Variants in DNAH9 observed in about 807,000 individuals in gnomAD.
DNAH9 encodes the protein DNAH9 variant protein.
DNAH9 carries 345 observed loss-of-function variants against 471.6 expected under a neutral mutation model. The ratio of observed to expected loss-of-function variants is 0.73; its 90% confidence interval spans 0.67 to 0.80. DNAH9 has a LOEUF of 0.80. Ranked by LOEUF, DNAH9 falls within the 30% of genes least tolerant of loss-of-function variation. DNAH9 has a pLI of 0.00. For missense variants in DNAH9, 5,407 were observed against 5,609.2 expected (o/e 0.96, Z 1.15); for synonymous variants, 2,093 against 2,123.6 (o/e 0.99, Z 0.40).
chr17:11,769,373 C>T (rs202231581), intron 38 of DNAH9, 44 bp downstream of exon 38: 22 of 1,535,728 alleles, frequency 1.4e-5, no homozygotes, highest in African/African-American at 4.1e-5. Flanking sequence ...TCTGGGTGGC[C>T]GTGTCACCTG....
intron 15 of DNAH9, among the ~76,000 whole-genome samples, chr17:11,668,732 C>T (rs1400792967): frequency 6.7e-6 from 1 of 149,996 alleles, no homozygotes; most frequent in African/African-American, 2.5e-5. Context: ...CCCCAGGAGG[C>T]ATTTGAGAAT....
At chr17:11,875,245 A>G (rs1972430905) in intron 53 of DNAH9, 61 bp downstream of exon 53, 4 of 1,377,698 alleles carry the variant, frequency 2.9e-6, no homozygotes, top group Non-Finnish European at 2.9e-6. Context: ...TGTATAGATC[A>G]TGAGCAGATT....
At chr17:11,947,935 T>C (rs867877642) in intron 67 of DNAH9, among the ~76,000 whole-genome samples, 2 of 151,860 alleles carry the variant, frequency 1.3e-5, no homozygotes, top group South Asian at 2.1e-4. Flanking sequence ...CAGCTAATTC[T>C]TGTGTTTCTT....
chr17:11,743,113 A>G (rs1323949613), intron 30 of DNAH9, among the ~76,000 whole-genome samples: 1 of 152,114 alleles, frequency 6.6e-6, no homozygotes, highest in Non-Finnish European at 1.5e-5. Context: ...CCAGCTCAGC[A>G]TGTCTAAAGC....
At chr17:11,891,214 TTGCAAGGACTCGTCTTATCAC>T (rs1973039496) in intron 57 of DNAH9, among the ~76,000 whole-genome samples, 1 of 152,194 alleles carries the variant, frequency 6.6e-6, no homozygotes, top group Non-Finnish European at 1.5e-5. Flanking sequence ...AGGAGGCTGC[TTGCAAGGACTCGTCTTATCAC>T]TGCAGAGGTA....
At chr17:11,724,038 G>T (rs1209442102) in intron 27 of DNAH9, among the ~76,000 whole-genome samples, 1 of 151,790 alleles carries the variant, frequency 6.6e-6, no homozygotes, top group African/African-American at 2.4e-5. Context: ...TATTAATGGG[G>T]TACATGTTAT....
Position 11,670,448 on chromosome 17 carries a change from T to C in DNAH9, c.3353+654T>C, listed in dbSNP as rs113058296. On this transcript the variant is annotated intron_variant, in intron 17 of 68. Coordinates refer to ENST00000262442, the MANE Select transcript of DNAH9 (RefSeq NM_001372.4). ...TCTCGACCCCCTTCTCAGAATCCCATTGGGGACCACCAGTCCCTCTGCACA... is the reference window on the plus strand; with the variant it reads ...TCTCGACCCCCTTCTCAGAATCCCACTGGGGACCACCAGTCCCTCTGCACA... Among the ~76,000 whole-genome samples the C allele has an allele frequency of 5.4e-3, 827 of 152,184 alleles. 3 individuals are homozygous for C. Among genetic ancestry groups the C allele is most frequent in the Non-Finnish European group, 8.1e-3 (548 of 67,996 alleles).
At chr17:11,814,094 A>G (rs1476235305) in intron 45 of DNAH9, among the ~76,000 whole-genome samples, 1 of 152,152 alleles carries the variant, frequency 6.6e-6, no homozygotes, top group African/African-American at 2.4e-5. Flanking sequence ...CTATGTTCTT[A>G]TTGACCTGCT....
intron 19 of DNAH9, among the ~76,000 whole-genome samples, chr17:11,686,082 G>A (rs899851849): frequency 1.3e-5 from 2 of 152,092 alleles, no homozygotes; most frequent in Admixed American, 6.6e-5. Context: ...GGGATTACAG[G>A]CATGAGACAC....
chr17:11,675,224 A>G (rs1450185845), intron 17 of DNAH9, among the ~76,000 whole-genome samples: 2 of 152,090 alleles, frequency 1.3e-5, no homozygotes, highest in Non-Finnish European at 2.9e-5. Context: ...AGTTCGTAGT[A>G]TAAATAATAT....
rs56689551 is a variant in DNAH9, at chr17:11,828,473, CAAAAA to C, written c.9246+5449_9246+5453del. On this transcript the variant is annotated intron_variant, in intron 48 of 68. Transcript: ENST00000262442. ...GGGCAACAAGAGTGAAACTCCGTCTCAAAAAAAAAAAAAATAGTGCCCGAACAGAG... is the reference window on the plus strand; with the variant it reads ...GGGCAACAAGAGTGAAACTCCGTCTCAAAAAAAAATAGTGCCCGAACAGAG... 1.6e-5 allele frequency among the ~76,000 whole-genome samples: 2 copies of C among 125,886 alleles called. 1 individual carries two copies. Among genetic ancestry groups the C allele is most frequent in the Non-Finnish European group, 3.3e-5 (2 of 61,236 alleles). 82.6% of individuals were successfully genotyped at this position (125,886 alleles called of 152,430 possible). A position where few individuals can be genotyped will look rare whatever the true frequency, so the allele number is the denominator to read the frequency against.
Position 11,652,842 on chromosome 17 carries a change from A to G in DNAH9, c.2435A>G (p.Glu812Gly), listed in dbSNP as rs1370958241. 5.6e-6 allele frequency: 9 copies of G among 1,613,906 alleles called. No homozygotes were observed. The highest frequency in any genetic ancestry group is 7.6e-6 in the Non-Finnish European group (9 of 1,179,878). The change falls in exon 14 of 69, where the codon GAA becomes GGA. Residue 812 changes from glutamate (E) to glycine (G), a missense_variant. Glu to Gly is a moderately conservative substitution (Grantham distance 98, BLOSUM62 -2). This residue lies in a region of DNAH9 where 4,636 missense variants were observed against 4,900.3 expected (regional missense o/e 0.95). Coordinates refer to ENST00000262442, the MANE Select transcript of DNAH9 (RefSeq NM_001372.4). ...QRIQKTKDNV[E>G]EIQNIMKTWV... ...ATTCAGAAAACTAAAGACAATGTGGAAGAGATCCAAAACATCATGAAAACA... is the reference window on the plus strand; with the variant it reads ...ATTCAGAAAACTAAAGACAATGTGGGAGAGATCCAAAACATCATGAAAACA...
intron 63 of DNAH9, among the ~76,000 whole-genome samples, chr17:11,930,480 C>T (rs1037757385): frequency 4.6e-5 from 7 of 152,090 alleles, no homozygotes; most frequent in African/African-American, 9.7e-5. Flanking sequence ...TATCACTTGA[C>T]GTCTACATGA....
At chr17:11,793,706 A>G (rs1567806510) in intron 42 of DNAH9, 42 bp downstream of exon 42, 1 of 1,472,530 alleles carries the variant, frequency 6.8e-7, no homozygotes, top group African/African-American at 1.5e-5. Context: ...TTGAAAAAAA[A>G]AAAGATAATT....
In DNAH9 at chr17:11,652,946, G is replaced by C. The variant is rs764633646; in HGVS notation, c.2539G>C (p.Glu847Gln). The change falls in exon 14 of 69, where the codon GAA becomes CAA. Residue 847 changes from glutamate (E) to glutamine (Q), a missense_variant. By Grantham distance (29) the Glu-to-Gln change is conservative. Transcript: ENST00000262442. ...LSLDDRHDRM[E>Q]KYYNLIKESG... Reference sequence around the variant, plus strand: ...TCTGGATGATCGGCATGATCGAATGGAAAAATATTACAATCTCATCAAGGA... The same window carrying C: ...TCTGGATGATCGGCATGATCGAATGCAAAAATATTACAATCTCATCAAGGA... The C allele has an allele frequency of 6.2e-7, 1 of 1,614,028 alleles. No individual in the cohort carries two copies. The highest frequency in any genetic ancestry group is 1.1e-5 in the South Asian group (1 of 91,072).
intron 49 of DNAH9, among the ~76,000 whole-genome samples, chr17:11,843,857 G>GTATATATA (rs1341485444): frequency 0.014 from 127 of 9,272 alleles, no homozygotes; most frequent in South Asian, 0.024. Flanking sequence ...GTGTGTGTGT[G>GTATATATA]TGTGTGTATA....
chr17:11,893,721 G>A (rs1370571835), intron 58 of DNAH9, among the ~76,000 whole-genome samples: 1 of 152,030 alleles, frequency 6.6e-6, no homozygotes, highest in East Asian at 1.9e-4. Context: ...GGGGTGGAGG[G>A]GAAAGGGGAG....
In DNAH9 at chr17:11,854,281, T is replaced by C; in HGVS notation, c.9786T>C (p.Ala3262=). The change falls in exon 50 of 69, where the codon GCT becomes GCC. Residue 3262 remains alanine (A), a synonymous_variant. Transcript: ENST00000262442. ...TTGTGGCCACCAAATCCTATGCGGC[T>C]GCAGGCCTCTGCTCCTGGGTCATCA... ...PEFVATKSYA[A]AGLCSWVINI... is the part of the protein sequence containing the mutation. The C allele has an allele frequency of 6.2e-7, 1 of 1,614,234 alleles. No individual in the cohort carries two copies. The highest frequency in any genetic ancestry group is 1.1e-5 in the South Asian group (1 of 91,084).
chr17:11,833,344 A>T (rs898036285), intron 48 of DNAH9, among the ~76,000 whole-genome samples: 1 of 152,244 alleles, frequency 6.6e-6, no homozygotes, highest in Admixed American at 6.5e-5. Context: ...CAATCACATG[A>T]GAACAATCAA....
Sources: gnomAD v4.1 joint callset for allele counts (sites outside exome capture counted in the v4.1 genomes callset) on GRCh38, gnomAD v4.1.1 for gene constraint, gnomAD v4.1.1 regional missense constraint, MANE v1.5 for transcripts, NCBI Gene and HGNC (gene_info 2026-07-23, HGNC 2026-07-21) for gene names.